The following TDP1 variants were observed in gnomAD, a reference collection of about 807,000 sequenced individuals.
TDP1 encodes tyr-DNA phosphodiesterase 1.
In TDP1, 64 loss-of-function variants were observed where a neutral mutation model predicts 81.5. The observed-to-expected ratio is 0.79, with a 90% CI of 0.64 to 0.97. TDP1 has a LOEUF of 0.97. Among genes scored for constraint, TDP1 ranks in the 50% least tolerant of loss-of-function variants. TDP1 has a pLI of 0.00. For synonymous variants in TDP1, 256 were observed against 264.3 expected (o/e 0.97, Z 0.30); for missense variants, 723 against 743.8 (o/e 0.97, Z 0.33).
intron 3 of TDP1, among the ~76,000 whole-genome samples, chr14:89,964,479 C>T (rs1167873114): frequency 1.3e-5 from 2 of 152,186 alleles, no homozygotes; most frequent in Non-Finnish European, 2.9e-5. Context: ...GTAATATATT[C>T]ACATGGCAGA....
chr14:89,994,819 A>T (rs1377775677), intron 14 of TDP1, among the ~76,000 whole-genome samples: 1 of 152,202 alleles, frequency 6.6e-6, no homozygotes, highest in Non-Finnish European at 1.5e-5. Context: ...CCTGAGAGAA[A>T]ACCCAGACGG....
At position 90,039,706 on chromosome 14, in the gene TDP1, A is replaced by G. The variant is rs35777934; in HGVS notation, c.1754-3364A>G. Among the ~76,000 whole-genome samples, 583 of 152,206 alleles carry G rather than the reference A, an allele frequency of 3.8e-3. 3 individuals are homozygous for G. The highest frequency in any genetic ancestry group is 0.013 in the African/African-American group (548 of 41,516). ...AAAAAAAGAAACTGTTAAGACCTAC[A>G]TAGTACATAGGGTGACAATCCTTAT... On this transcript the variant is annotated intron_variant, in intron 16 of 16. Transcript: ENST00000335725.
intron 8 of TDP1, chr14:89,983,270 C>A: frequency 2.6e-6 from 1 of 390,244 alleles, no homozygotes; most frequent in South Asian, 1.9e-5. Context: ...AGAGCTTACC[C>A]AAAATGGTAT....
chr14:90,011,800 T>C (rs779030006), intron 14 of TDP1, among the ~76,000 whole-genome samples: 9 of 152,358 alleles, frequency 5.9e-5, no homozygotes, highest in South Asian at 2.1e-4. Flanking sequence ...TTGGAACTTA[T>C]GTTTAAAAGG....
intron 15 of TDP1, chr14:90,032,785 C>A (rs774191763): frequency 1.5e-5 from 15 of 984,502 alleles, no homozygotes; most frequent in Non-Finnish European, 1.8e-5. Context: ...AAACTCCCTG[C>A]AAACTGTACA....
chr14:90,002,969 C>T lies in TDP1; in HGVS notation c.1541+9486C>T, dbSNP rs767799948. 6.6e-5 allele frequency among the ~76,000 whole-genome samples: 10 copies of T among 150,724 alleles called. 1 individual carries two copies. The highest frequency in any genetic ancestry group is 1.0e-4 in the Non-Finnish European group (7 of 68,016). On this transcript the variant is annotated intron_variant, in intron 14 of 16. Transcript: ENST00000335725. ...ATTTATTTTTTTTGAGATGGAGTCT[C>T]GCCATTCACCCAGGCTGGAGTGCAG...
At chr14:90,001,062 A>G (rs995330167) in intron 14 of TDP1, among the ~76,000 whole-genome samples, 2 of 152,214 alleles carry the variant, frequency 1.3e-5, no homozygotes, top group Non-Finnish European at 2.9e-5. Context: ...TATGGTTCCT[A>G]TTGGGTCTAC....
At chr14:89,989,244 A>G (rs1895919347) in intron 11 of TDP1, 154 bp downstream of exon 11, 1 of 942,834 alleles carries the variant, frequency 1.1e-6, no homozygotes, top group Non-Finnish European at 1.3e-6. Context: ...AGAGCAGTAC[A>G]TTAGCATCGT....
intron 16 of TDP1, among the ~76,000 whole-genome samples, chr14:90,038,905 T>TG (rs961156802): frequency 1.9e-5 from 2 of 106,174 alleles, no homozygotes; most frequent in African/African-American, 1.5e-4. Flanking sequence ...AGAAATGAAG[T>TG]TTTTTTTTTT....
intron 2 of TDP1, among the ~76,000 whole-genome samples, chr14:89,962,412 A>G (rs1761465334): frequency 6.6e-6 from 1 of 152,194 alleles, no homozygotes; most frequent in Non-Finnish European, 1.5e-5. Context: ...TGTAAATTCC[A>G]ATTTGACCTT....
intron 2 of TDP1, among the ~76,000 whole-genome samples, chr14:89,958,604 A>G (rs534236546): frequency 6.6e-6 from 1 of 152,224 alleles, no homozygotes; most frequent in Non-Finnish European, 1.5e-5. Flanking sequence ...GGGCATGACA[A>G]TGTAAAAAAC....
chr14:89,986,779 CA>C (rs1895616135), intron 10 of TDP1, among the ~76,000 whole-genome samples: 1 of 152,130 alleles, frequency 6.6e-6, no homozygotes, highest in Non-Finnish European at 1.5e-5. Context: ...CCAAGGTGGA[CA>C]TGGAAACTTT....
intron 13 of TDP1, among the ~76,000 whole-genome samples, chr14:89,992,495 C>T (rs1896301602): frequency 6.6e-6 from 1 of 152,152 alleles, no homozygotes; most frequent in Admixed American, 6.5e-5. Flanking sequence ...CCTGCATATG[C>T]AAGGCCAGTC....
chr14:90,007,719 C>T lies in TDP1; in HGVS notation c.1542-11597C>T, dbSNP rs531251706. Among the ~76,000 whole-genome samples, 4 of 152,230 alleles carry T rather than the reference C, an allele frequency of 2.6e-5. No individual in the cohort carries two copies. In the South Asian group the frequency reaches 8.3e-4, roughly 32 times the overall value. ...TTCTCGGGCTCAAGTCATCCTTCCA[C>T]CTCAGCCTCCCAAGTAGCTGGGACA... On this transcript the variant is annotated intron_variant, in intron 14 of 16. Transcript: ENST00000335725.
In TDP1 at chr14:89,967,636, GCT is replaced by G. The variant is rs1459151508; in HGVS notation, c.659+217_659+218del. On this transcript the variant is annotated intron_variant, in intron 5 of 16. Coordinates refer to ENST00000335725, the MANE Select transcript of TDP1 (RefSeq NM_018319.4). ...TACGGATTTTAGCATTTTCCTCTGT[GCT>G]CTTTCAGGAAGTAGATAAGGACAGG... Among the ~76,000 whole-genome samples the G allele has an allele frequency of 7.9e-5, 12 of 152,222 alleles. 1 individual carries two copies. In the South Asian group the frequency reaches 2.3e-3, roughly 29 times the overall value.
At chr14:90,029,435 G>A (rs1406573220) in intron 15 of TDP1, among the ~76,000 whole-genome samples, 1 of 151,138 alleles carries the variant, frequency 6.6e-6, no homozygotes, top group African/African-American at 2.4e-5. Context: ...CTGACCTCAG[G>A]TCATCCGCCC....
At chr14:90,019,241 C>G in intron 14 of TDP1, 75 bp from the exon 15 acceptor site, 1 of 1,310,866 alleles carries the variant, frequency 7.6e-7, no homozygotes, top group Non-Finnish European at 1.1e-6. Context: ...GACCGGTGCT[C>G]TTGCAGCTGT....
chr14:90,007,296 T>C (rs921925399), intron 14 of TDP1, among the ~76,000 whole-genome samples: 6 of 152,134 alleles, frequency 3.9e-5, no homozygotes, highest in African/African-American at 1.4e-4. Flanking sequence ...TTAAAATTCT[T>C]TGGCCGGACG....
Position 90,043,155 on chromosome 14 carries a change from C to T in TDP1, c.*12C>T. ...GGGTGCCCTCCTGAGAATCTTGAGG[C>T]ACTGTGAAATTTAAGTGTAAGACAT... On this transcript the variant is annotated 3_prime_UTR_variant, in exon 17 of 17. Transcript: ENST00000335725. The T allele has an allele frequency of 6.2e-7, 1 of 1,614,158 alleles. No homozygotes were observed. Among genetic ancestry groups the T allele is most frequent in the Non-Finnish European group, 8.5e-7 (1 of 1,180,024 alleles).
Sources: gnomAD v4.1 joint callset for allele counts (sites outside exome capture counted in the v4.1 genomes callset) on GRCh38, gnomAD v4.1.1 for gene constraint, MANE v1.5 for transcripts, NCBI Gene and HGNC (gene_info 2026-07-23, HGNC 2026-07-21) for gene names.